The following ANKFN1 variants were observed in gnomAD, a reference collection of about 807,000 sequenced individuals.
The protein encoded by ANKFN1 is ankyrin repeat and fibronectin type-III domain-containing protein 1.
A neutral mutation model predicts 108.7 loss-of-function variants in ANKFN1; 74 were observed. That is an observed-to-expected ratio of 0.68 (90% CI 0.56 to 0.83). ANKFN1 has a LOEUF of 0.83. Ranked by LOEUF, ANKFN1 falls within the 40% of genes least tolerant of loss-of-function variation. The pLI is 0.00. For synonymous variants in ANKFN1, 547 were observed against 516.2 expected (o/e 1.06, Z -0.81); for missense variants, 1,505 against 1,382.3 (o/e 1.09, Z -1.41).
chr17:56,320,021 C>G (rs544408546), intron 3 of ANKFN1, among the ~76,000 whole-genome samples: 1 of 152,150 alleles, frequency 6.6e-6, no homozygotes, highest in East Asian at 1.9e-4. Flanking sequence ...AGTCTCAGCT[C>G]AGTCCCTAAA....
rs1315546547 is a variant in ANKFN1, at chr17:56,188,575, G to GTATA, written c.-70-24022_-70-24021insATAT. ...TGTGTGTGTGTGTATGTGTGTGTGT[G>GTATA]TGTGTGTATATATATATATATATAT... is the stretch of plus-strand genomic sequence containing the variant. On this transcript the variant is annotated intron_variant, in intron 1 of 20. Coordinates refer to ENST00000682825, the MANE Select transcript of ANKFN1 (RefSeq NM_001370326.1). Among the ~76,000 whole-genome samples, 16 of 88,200 alleles carry GTATA rather than the reference G, an allele frequency of 1.8e-4. No homozygotes were observed. The East Asian group carries it at 3.4e-3, about 19-fold the overall frequency. The allele number at this position is 88,200 out of a possible 152,430, so 57.9% of individuals were successfully genotyped here.
At chr17:56,085,061 G>A (rs1035499686) in intron 4 of ANKFN1, among the ~76,000 whole-genome samples, 1 of 150,662 alleles carries the variant, frequency 6.6e-6, no homozygotes, top group Admixed American at 6.6e-5. Context: ...AAAGTGCTGA[G>A]TTGTTCATTT....
chr17:56,510,678 G>T lies in ANKFN1; in HGVS notation c.2850G>T (p.Gly950=), dbSNP rs1351522376. 6.5e-7 allele frequency: 1 copy of T among 1,536,146 alleles called. No individual in the cohort carries two copies. The highest frequency in any genetic ancestry group is 8.7e-7 in the Non-Finnish European group (1 of 1,146,920). ...TGCACGACGTGAAAACCCCTCTGGG[G>T]CCGGGCCAGGATCCCCAGGGCGAGG... The part of the protein sequence containing the change: ...LQVHDVKTPL[G]PGQDPQGEGP... The change falls in exon 21 of 21, where the codon GGG becomes GGT. Residue 950 remains glycine, a synonymous_variant. Transcript: ENST00000682825.
chr17:56,252,830 A>G (rs1905381623), intron 3 of ANKFN1, among the ~76,000 whole-genome samples: 1 of 151,790 alleles, frequency 6.6e-6, no homozygotes, highest in Non-Finnish European at 1.5e-5. Flanking sequence ...GAGCCCCACG[A>G]GGGAGGATCA....
intron 1 of ANKFN1, among the ~76,000 whole-genome samples, chr17:56,203,410 C>G (rs1914225919): frequency 6.6e-6 from 1 of 152,170 alleles, no homozygotes; most frequent in Non-Finnish European, 1.5e-5. Context: ...TGGTGCTTTT[C>G]CGACTGCCCT....
At position 56,372,692 on chromosome 17, in the gene ANKFN1, G is replaced by A. The variant is rs752110319; in HGVS notation, c.648G>A (p.Gln216=). ...CAATGCACCTCAACACACTGGTCCA[G>A]GAAGCCCAGGAGAGGGTGAGTGAAC... The part of the protein sequence containing the change: ...SRAMHLNTLV[Q]EAQERVSELS... Residue 216 remains glutamine, a synonymous_variant, in exon 7 of 21, where the codon CAG becomes CAA. Coordinates refer to ENST00000682825, the MANE Select transcript of ANKFN1 (RefSeq NM_001370326.1). 3.7e-6 allele frequency: 6 copies of A among 1,613,792 alleles called. No homozygotes were observed. The Admixed American group carries it at 1.0e-4, about 27-fold the overall frequency.
At chr17:56,460,233 C>T (rs1189997555) in intron 14 of ANKFN1, among the ~76,000 whole-genome samples, 3 of 152,064 alleles carry the variant, frequency 2.0e-5, no homozygotes, top group Non-Finnish European at 4.4e-5. Flanking sequence ...GCAGGTGGAT[C>T]ACTTGAGCTT....
intron 1 of ANKFN1, among the ~76,000 whole-genome samples, chr17:56,210,687 G>C (rs929041721): frequency 6.6e-6 from 1 of 152,292 alleles, no homozygotes; most frequent in East Asian, 1.9e-4. Flanking sequence ...AAAGAAAAGA[G>C]GTTAATTGAC....
chr17:56,367,011 G>A (rs1188049571), intron 6 of ANKFN1, among the ~76,000 whole-genome samples: 3 of 152,196 alleles, frequency 2.0e-5, no homozygotes, highest in Non-Finnish European at 4.4e-5. Flanking sequence ...GGTAACTGAG[G>A]TTGGTTGTAA....
At chr17:56,171,306 G>A (rs1288713225) in intron 1 of ANKFN1, among the ~76,000 whole-genome samples, 1 of 152,124 alleles carries the variant, frequency 6.6e-6, no homozygotes, top group Non-Finnish European at 1.5e-5. Context: ...ATTCATGGCA[G>A]GGAAGGAACA....
chr17:56,064,888 G>A (rs574308268), intron 4 of ANKFN1, among the ~76,000 whole-genome samples: 7 of 152,288 alleles, frequency 4.6e-5, no homozygotes, highest in African/African-American at 7.2e-5. Flanking sequence ...TCTGTGGGTC[G>A]CACAATTCTG....
At chr17:56,164,381 G>C (rs1192954312) in intron 1 of ANKFN1, among the ~76,000 whole-genome samples, 6 of 152,072 alleles carry the variant, frequency 3.9e-5, no homozygotes, top group African/African-American at 7.2e-5. Context: ...ATCTCTACTG[G>C]ATCTGTTCTC....
chr17:56,424,608 A>G (rs780153010), intron 8 of ANKFN1, among the ~76,000 whole-genome samples: 1 of 152,078 alleles, frequency 6.6e-6, no homozygotes, highest in Non-Finnish European at 1.5e-5. Flanking sequence ...TTCATCCCCC[A>G]TATCTCTCTC....
At chr17:56,252,602 A>C (rs1420911679) in intron 3 of ANKFN1, among the ~76,000 whole-genome samples, 56 of 143,046 alleles carry the variant, frequency 3.9e-4, no homozygotes, top group South Asian at 6.8e-4. Context: ...GTAGTGAGAC[A>C]CCATCTCCAC....
intron 15 of ANKFN1, among the ~76,000 whole-genome samples, chr17:56,469,821 G>A (rs1352801154): frequency 2.7e-5 from 4 of 150,532 alleles, no homozygotes; most frequent in African/African-American, 9.8e-5. Flanking sequence ...CAGGGTACAA[G>A]TGCAGGATGT....
chr17:56,308,385 T>G (rs1182461285), intron 3 of ANKFN1, among the ~76,000 whole-genome samples: 1 of 152,188 alleles, frequency 6.6e-6, no homozygotes, highest in Admixed American at 6.5e-5. Context: ...CAATTGATTT[T>G]TGTATGTTCA....
At chr17:56,350,070 G>C (rs889386762) in intron 4 of ANKFN1, among the ~76,000 whole-genome samples, 1 of 152,178 alleles carries the variant, frequency 6.6e-6, no homozygotes, top group African/African-American at 2.4e-5. Flanking sequence ...TGAGGACCTC[G>C]TTAGAGATTT....
At chr17:56,122,171 G>A (rs1906663411) in intron 4 of ANKFN1, among the ~76,000 whole-genome samples, 2 of 152,138 alleles carry the variant, frequency 1.3e-5, no homozygotes, top group African/African-American at 4.8e-5. Flanking sequence ...CTACCAACAG[G>A]AGGAAGATAT....
chr17:56,058,572 A>C (rs192716345), intron 4 of ANKFN1, among the ~76,000 whole-genome samples: 8 of 151,752 alleles, frequency 5.3e-5, no homozygotes, highest in African/African-American at 1.9e-4. Context: ...CCCATCCTCT[A>C]AGTTCCCTCC....
Sources: gnomAD v4.1 joint callset for allele counts (sites outside exome capture counted in the v4.1 genomes callset) on GRCh38, gnomAD v4.1.1 for gene constraint, MANE v1.5 for transcripts, NCBI Gene and HGNC (gene_info 2026-07-23, HGNC 2026-07-21) for gene names.